The following SUGCT variants were observed in gnomAD, a reference collection of about 807,000 sequenced individuals.
SUGCT encodes succinyl-CoA:glutarate CoA-transferase.
In SUGCT, 41 loss-of-function variants were observed where a neutral mutation model predicts 55.0. The ratio of observed to expected loss-of-function variants is 0.74; its 90% confidence interval spans 0.58 to 0.97. SUGCT has a LOEUF of 0.97. SUGCT is among the 50% of genes least tolerant of loss of function. The probability of loss-of-function intolerance (pLI) is 0.00; values close to 1 mark genes in which losing one functional copy is unlikely to be tolerated. For missense variants in SUGCT, 568 were observed against 547.8 expected (o/e 1.04, Z -0.37); for synonymous variants, 187 against 200.4 (o/e 0.93, Z 0.56).
chr7:40,391,518 C>T (rs547291887), intron 9 of SUGCT, among the ~76,000 whole-genome samples: 20 of 152,236 alleles, frequency 1.3e-4, no homozygotes, highest in African/African-American at 4.8e-4. Flanking sequence ...ATGCAGCCAA[C>T]AGACACATGA....
At chr7:40,672,546 A>G (rs2151872996) in intron 12 of SUGCT, among the ~76,000 whole-genome samples, 1 of 152,330 alleles carries the variant, frequency 6.6e-6, no homozygotes, top group Non-Finnish European at 1.5e-5. Flanking sequence ...AGTGGTTGCT[A>G]GGATTTAAGG....
At chr7:40,805,618 G>A (rs999803614) in intron 13 of SUGCT, among the ~76,000 whole-genome samples, 1 of 152,190 alleles carries the variant, frequency 6.6e-6, no homozygotes, top group African/African-American at 2.4e-5. Flanking sequence ...CTGTTTCACT[G>A]TCTGGAAGCC....
intron 13 of SUGCT, among the ~76,000 whole-genome samples, chr7:40,854,412 T>TTTCCC (rs2128803045): frequency 1.3e-5 from 1 of 79,170 alleles, no homozygotes; most frequent in African/African-American, 4.2e-5. Flanking sequence ...TCTTTCTTTC[T>TTTCCC]TTCTTTCCTT....
chr7:40,388,939 T>C (rs147030583), intron 9 of SUGCT, among the ~76,000 whole-genome samples: 238 of 152,268 alleles, frequency 1.6e-3, no homozygotes, highest in African/African-American at 5.5e-3. Flanking sequence ...TAAAAAAATA[T>C]GTTTGAGATA....
chr7:41,038,789 A>G, the SUGCT span, among the ~76,000 whole-genome samples: 7 of 152,106 alleles, frequency 4.6e-5, no homozygotes, highest in Non-Finnish European at 7.3e-5. Flanking sequence ...CTTCAGTTTC[A>G]TCATCAGCAA....
At chr7:40,796,923 G>A (rs998971806) in intron 13 of SUGCT, among the ~76,000 whole-genome samples, 2 of 152,192 alleles carry the variant, frequency 1.3e-5, no homozygotes, top group South Asian at 2.1e-4. Context: ...GACAAGGCAG[G>A]TCCCTGAGGA....
At chr7:40,461,815 G>T (rs959758249) in intron 11 of SUGCT, among the ~76,000 whole-genome samples, 1 of 152,180 alleles carries the variant, frequency 6.6e-6, no homozygotes, top group Admixed American at 6.5e-5. Flanking sequence ...TTTGGTGGCT[G>T]CCAAGTACAT....
chr7:40,797,172 G>A (rs1322821205), intron 13 of SUGCT, among the ~76,000 whole-genome samples: 1 of 152,110 alleles, frequency 6.6e-6, no homozygotes, highest in Non-Finnish European at 1.5e-5. Context: ...ATGATGCAGA[G>A]TTTCTTTCCA....
At chr7:40,745,439 C>T (rs905137285) in intron 12 of SUGCT, among the ~76,000 whole-genome samples, 10 of 152,088 alleles carry the variant, frequency 6.6e-5, no homozygotes, top group Admixed American at 2.0e-4. Context: ...CTTTTATTTC[C>T]CACGTTACTT....
chr7:40,416,572 T>A (rs992245006), intron 9 of SUGCT, among the ~76,000 whole-genome samples: 1 of 151,984 alleles, frequency 6.6e-6, no homozygotes, highest in African/African-American at 2.4e-5. Context: ...GTAATGAATT[T>A]GTCATTATGT....
chr7:40,828,576 T>TAAAAA (rs11419901), intron 13 of SUGCT, among the ~76,000 whole-genome samples: 5 of 89,958 alleles, frequency 5.6e-5, no homozygotes, highest in African/African-American at 2.2e-4. Flanking sequence ...CTTGCTACAG[T>TAAAAA]AAAAAAAAAA....
chr7:40,244,911 G>T (rs142234516), intron 7 of SUGCT, among the ~76,000 whole-genome samples: 1 of 151,934 alleles, frequency 6.6e-6, no homozygotes, highest in Non-Finnish European at 1.5e-5. Flanking sequence ...AGTGTCTAAC[G>T]GTCCACAATA....
At chr7:40,734,600 T>C (rs1182963384) in intron 12 of SUGCT, among the ~76,000 whole-genome samples, 1 of 152,158 alleles carries the variant, frequency 6.6e-6, no homozygotes, top group Non-Finnish European at 1.5e-5. Context: ...TGTCCACCCC[T>C]GACAAGTCAC....
chr7:40,609,869 A>C (rs189678652), intron 12 of SUGCT, among the ~76,000 whole-genome samples: 124 of 152,292 alleles, frequency 8.1e-4, no homozygotes, highest in Middle Eastern at 3.4e-3. Flanking sequence ...GCCAAATCAG[A>C]ATGCATTATA....
chr7:40,275,049 C>A (rs539348483), intron 8 of SUGCT, among the ~76,000 whole-genome samples: 1 of 152,294 alleles, frequency 6.6e-6, no homozygotes, highest in South Asian at 2.1e-4. Context: ...GATTTGCCCA[C>A]CTTGGCCTCC....
At chr7:40,998,288 C>T in the SUGCT span, among the ~76,000 whole-genome samples, 333 of 152,092 alleles carry the variant, frequency 2.2e-3, 10 homozygotes, top group East Asian at 0.058. Context: ...TGGAGGATCA[C>T]TTGAACCTGG....
chr7:40,961,570 A>C, the SUGCT span, among the ~76,000 whole-genome samples: 1 of 152,222 alleles, frequency 6.6e-6, no homozygotes, highest in African/African-American at 2.4e-5. Context: ...AAAGCAATTA[A>C]AGCCTAAGAT....
intron 13 of SUGCT, among the ~76,000 whole-genome samples, chr7:40,809,516 T>A (rs911388512): frequency 1.3e-5 from 2 of 152,278 alleles, no homozygotes; most frequent in East Asian, 1.9e-4. Flanking sequence ...TTAAAGAGGT[T>A]ACTTTAACCT....
intron 12 of SUGCT, among the ~76,000 whole-genome samples, chr7:40,619,909 T>C (rs920736328): frequency 2.6e-5 from 4 of 152,238 alleles, no homozygotes; most frequent in African/African-American, 9.6e-5. Context: ...GTTTTCACTT[T>C]GACTCTGACT....
Sources: gnomAD v4.1 joint callset for allele counts (sites outside exome capture counted in the v4.1 genomes callset) on GRCh38, gnomAD v4.1.1 for gene constraint, MANE v1.5 for transcripts, NCBI Gene and HGNC (gene_info 2026-07-23, HGNC 2026-07-21) for gene names.